MINK1: variants seen among roughly 807,000 people sequenced by gnomAD.
MINK1 encodes the protein misshapen-like kinase 1.
In MINK1, 46 loss-of-function variants were observed where a neutral mutation model predicts 178.4. The ratio of observed to expected loss-of-function variants is 0.26; its 90% CI spans 0.20 to 0.33. The LOEUF is 0.33. MINK1 is among the 10% of genes least tolerant of loss of function. The probability of loss-of-function intolerance (pLI) is 1.00; values close to 1 mark genes in which losing one functional copy is unlikely to be tolerated. For missense variants in MINK1, 1,366 were observed against 1,814.9 expected, an observed-to-expected ratio of 0.75 and a Z score of 4.49; for synonymous variants, 797 against 709.7, an observed-to-expected ratio of 1.12 and a Z score of -1.96.
intron 4 of MINK1, among the ~76,000 whole-genome samples, chr17:4,882,593 ACTT>A (rs986307302): frequency 4.6e-5 from 7 of 152,150 alleles, no homozygotes; most frequent in Non-Finnish European, 1.0e-4. Flanking sequence ...GGACTGGCAA[ACTT>A]CTTCTGTGAA....
At chr17:4,891,356 G>T in intron 15 of MINK1, 100 bp from the exon 16 acceptor site, 1 of 1,429,646 alleles carries the variant, frequency 7.0e-7, no homozygotes, top group Non-Finnish European at 9.3e-7. Context: ...CTTCAATGGA[G>T]GAAGGGGCAG....
In MINK1 at chr17:4,884,992, G is replaced by T. The variant is rs1567605343; in HGVS notation, c.498G>T (p.Glu166Asp). 3 of 1,613,880 alleles carry T rather than the reference G, an allele frequency of 1.9e-6. No homozygotes were observed. Among genetic ancestry groups the T allele is most frequent in the Non-Finnish European group, 2.5e-6 (3 of 1,179,846 alleles). Residue 166 changes from glutamate (E) to aspartate (D), a missense_variant, in exon 6 of 32, where the codon GAG (glutamate) becomes GAT (aspartate). By Grantham distance (45) the Glu-to-Asp change is conservative. This residue lies in a region of MINK1 where 109 missense variants were observed against 369.4 expected (regional missense o/e 0.30). Transcript: ENST00000355280. ...ATGTGCTGCTGACAGAGAATGCTGA[G>T]GTCAAGCTAGGTGCGCCGGCTCCTT... is the stretch of plus-strand genomic sequence containing the variant. ...GQNVLLTENA[E>D]VKLVDFGVSA...
At position 4,836,773 on chromosome 17, in the gene MINK1, T is replaced by C. The variant is rs1328920862; in HGVS notation, c.57+3133T>C. On this transcript the variant is annotated intron_variant, in intron 1 of 31. Coordinates refer to ENST00000355280, the MANE Select transcript of MINK1 (RefSeq NM_153827.5). This position sits in a 1 kb window ranked among gnomAD's most constrained non-coding sequence, Gnocchi z 4.3. ...CTTTATCTAAAATAGCACTCCCTCC[T>C]CTGCTTTATTTTTATACAAAATTTT... Among the ~76,000 whole-genome samples the C allele has an allele frequency of 6.6e-6, 1 of 152,212 alleles. No homozygotes were observed. Among genetic ancestry groups the C allele is most frequent in the Non-Finnish European group, 1.5e-5 (1 of 68,040 alleles).
chr17:4,859,872 A>C (rs577659753), intron 1 of MINK1, among the ~76,000 whole-genome samples: 4 of 152,204 alleles, frequency 2.6e-5, no homozygotes, highest in Admixed American at 1.3e-4. Context: ...TTAAAAAAAA[A>C]ACCTTTACCC....
At chr17:4,881,922 C>T (rs542880836) in intron 4 of MINK1, among the ~76,000 whole-genome samples, 2 of 152,404 alleles carry the variant, frequency 1.3e-5, no homozygotes, top group South Asian at 2.1e-4. Flanking sequence ...CAATGGCTGT[C>T]GGGAGTTTTG....
chr17:4,869,821 G>GTTTATTTA (rs58447598), intron 1 of MINK1, among the ~76,000 whole-genome samples: 9,584 of 139,162 alleles, frequency 0.069, 351 homozygotes, highest in Non-Finnish European at 0.091. Flanking sequence ...TATTTTATTT[G>GTTTATTTA]TTTATTTATT....
rs1406109603 is a variant in MINK1 at position 4,896,894 on chromosome 17, G to A, written c.3915+81G>A. The A allele has an allele frequency of 6.8e-7, 1 of 1,479,840 alleles. No homozygotes were observed. The highest frequency in any genetic ancestry group is 9.0e-7 in the Non-Finnish European group (1 of 1,115,608). The allele number at this position is 1,479,840 out of a possible 1,614,324, so 91.7% of individuals were successfully genotyped here. A position where few individuals can be genotyped will look rare whatever the true frequency, so the allele number is the denominator to read the frequency against. On this transcript the variant is annotated intron_variant, in intron 31 of 31. Transcript: ENST00000355280. The surrounding 1 kb of genome is among the most constrained non-coding windows in gnomAD (Gnocchi z 4.6). ...CCCCTGGGCAGAGTTCTGGGGAGAG[G>A]ATGGTGGTGGTGGCTTCCTGAAAGC... is the stretch of plus-strand genomic sequence containing the variant.
At chr17:4,890,482 C>T (rs1384126513) in intron 13 of MINK1, 35 bp from the exon 14 acceptor site, 1 of 1,555,188 alleles carries the variant, frequency 6.4e-7, no homozygotes, top group East Asian at 2.4e-5. Context: ...AGGGCCACAC[C>T]CTGCTGAGCC....
intron 1 of MINK1, among the ~76,000 whole-genome samples, chr17:4,872,722 G>A (rs1293845172): frequency 9.9e-5 from 15 of 151,722 alleles, no homozygotes; most frequent in Admixed American, 9.8e-4. Flanking sequence ...CAGTGAGCTG[G>A]GATCGTGGCA....
chr17:4,883,295 C>G (rs1184502901), intron 4 of MINK1: 2 of 149,080 alleles, frequency 1.3e-5, no homozygotes, highest in African/African-American at 2.5e-5. Context: ...ACCTCTGCCT[C>G]CCAGGTTCAA....
chr17:4,844,722 G>T (rs907596367), intron 1 of MINK1: 1 of 330,330 alleles, frequency 3.0e-6, no homozygotes, highest in African/African-American at 2.3e-5. Context: ...ACATGCAGAA[G>T]ACTTCAGAAT....
Position 4,891,579 on chromosome 17 carries a change from G to T in MINK1, c.1864G>T (p.Ala622Ser). The change falls in exon 16 of 32, where the codon GCC (alanine) becomes TCC (serine). Residue 622 changes from alanine (A) to serine (S), a missense_variant. Physicochemically the swap from Ala to Ser is moderately conservative, Grantham distance 99. Around this residue, in one of 14 missense-constraint regions of MINK1, gnomAD observed 709 missense variants for 692.3 expected, o/e 1.02. Transcript: ENST00000355280. ...CCCAGCCTCCCATGACCCCGACCCT[G>T]CCATCCCCGCACCCACTGCCACGCC... Reference protein sequence around the residue: ...AFPASHDPDPAIPAPTATPSA... With the variant: ...AFPASHDPDPSIPAPTATPSA... 2 of 1,605,566 alleles carry T rather than the reference G, an allele frequency of 1.2e-6. No homozygotes were observed. Among genetic ancestry groups the T allele is most frequent in the Non-Finnish European group, 1.7e-6 (2 of 1,176,572 alleles).
chr17:4,874,708 G>T (rs1359355004), intron 1 of MINK1, among the ~76,000 whole-genome samples: 1 of 152,042 alleles, frequency 6.6e-6, no homozygotes, highest in African/African-American at 2.4e-5. Flanking sequence ...GGGTGGGGAG[G>T]GGGTGAGAGA....
At chr17:4,856,125 T>A (rs1251912603) in intron 1 of MINK1, among the ~76,000 whole-genome samples, 1 of 152,146 alleles carries the variant, frequency 6.6e-6, no homozygotes, top group East Asian at 1.9e-4. Flanking sequence ...GAACATTTAA[T>A]CTGTCTCATG....
intron 1 of MINK1, chr17:4,854,764 T>C (rs1307778331): frequency 4.0e-6 from 2 of 495,314 alleles, no homozygotes; most frequent in Non-Finnish European, 8.1e-6. Flanking sequence ...TAGCCATCGA[T>C]AGACAGAGGA....
At chr17:4,863,086 G>T (rs1914425863) in intron 1 of MINK1, among the ~76,000 whole-genome samples, 1 of 152,180 alleles carries the variant, frequency 6.6e-6, no homozygotes, top group Middle Eastern at 3.2e-3. Flanking sequence ...CAAGGGAAAA[G>T]AAAAGAGAAA....
At chr17:4,867,547 C>T (rs1309396061) in intron 1 of MINK1, among the ~76,000 whole-genome samples, 1 of 151,998 alleles carries the variant, frequency 6.6e-6, no homozygotes, top group East Asian at 1.9e-4. Flanking sequence ...CGCCTATAAT[C>T]CCAGCACTTT....
intron 1 of MINK1, among the ~76,000 whole-genome samples, chr17:4,839,081 C>T (rs1022389044): frequency 2.0e-5 from 3 of 151,928 alleles, no homozygotes; most frequent in African/African-American, 4.8e-5. Context: ...GTAGCTGGGA[C>T]TATAGGCGCC....
Position 4,885,722 on chromosome 17 carries a change from C to T in MINK1, c.639+109C>T, listed in dbSNP as rs1968141385. ...ACAGAGGAAGGTCAGATGATGTTAG[C>T]AGTGAGGGGCTGGGGAACATCTTAC... On this transcript the variant is annotated intron_variant, in intron 7 of 31. Coordinates refer to ENST00000355280, the MANE Select transcript of MINK1 (RefSeq NM_153827.5). The surrounding 1 kb of genome is among the most constrained non-coding windows in gnomAD (Gnocchi z 5.0). 3 of 1,488,336 alleles carry T rather than the reference C, an allele frequency of 2.0e-6. No homozygotes were observed. The highest frequency in any genetic ancestry group is 2.8e-5 in the African/African-American group (2 of 72,516). 92.2% of individuals were successfully genotyped at this position (1,488,336 alleles called of 1,614,324 possible). A position where few individuals can be genotyped will look rare whatever the true frequency, so the allele number is the denominator to read the frequency against.
Sources: allele counts gnomAD v4.1 joint callset (sites outside exome capture counted in the v4.1 genomes callset), GRCh38; gene constraint gnomAD v4.1.1; regional missense constraint gnomAD v4.1.1; non-coding constraint Gnocchi (gnomAD v3.1); transcripts MANE v1.5; gene names NCBI Gene and HGNC (gene_info 2026-07-23, HGNC 2026-07-21).